DHX9: variants seen among roughly 807,000 people sequenced by gnomAD.
DHX9 encodes the protein ATP-dependent RNA helicase A.
Under a neutral mutation model 148.7 loss-of-function variants are expected in DHX9, and 27 were observed. The observed-to-expected ratio is 0.18, with a 90% confidence interval of 0.13 to 0.25. DHX9 has a LOEUF of 0.25. DHX9 is among the 10% of genes least tolerant of loss of function. DHX9 has a pLI of 1.00. For missense variants in DHX9, 796 were observed against 1,559.6 expected, an observed-to-expected ratio of 0.51 and a Z score of 8.25; for synonymous variants, 529 against 516.6, an observed-to-expected ratio of 1.02 and a Z score of -0.33.
intron 14 of DHX9, among the ~76,000 whole-genome samples, chr1:182,868,534 T>TTTTTTTTTTTTTTTTTTG (rs1648403826): frequency 2.0e-5 from 3 of 149,546 alleles, no homozygotes; most frequent in Admixed American, 6.6e-5. Context: ...TTTTTTTTTT[T>TTTTTTTTTTTTTTTTTTG]GAGGAGTCTT....
At chr1:182,845,439 A>AC (rs1026132435) in intron 3 of DHX9, among the ~76,000 whole-genome samples, 11 of 152,140 alleles carry the variant, frequency 7.2e-5, no homozygotes, top group African/African-American at 2.7e-4. Context: ...GAAAAAAAAA[A>AC]AAACAATTTT....
intron 4 of DHX9, 87 bp downstream of exon 4, chr1:182,852,431 G>A: frequency 1.1e-6 from 1 of 884,298 alleles, no homozygotes; most frequent in Non-Finnish European, 1.7e-6. Context: ...TGGGTAGAAA[G>A]AACTGCAGTA....
rs372897369 is a variant in DHX9 at position 182,852,243 on chromosome 1, C to T, written c.263C>T (p.Pro88Leu). The change falls in exon 4 of 28, where the codon CCG becomes CTG. Residue 88 changes from proline (P) to leucine (L), a missense_variant. By Grantham distance (98) the Pro-to-Leu change is moderately conservative. Around this residue, in one of 14 missense-constraint regions of DHX9, gnomAD observed 89 missense variants for 77.5 expected, o/e 1.15. Coordinates refer to ENST00000367549, the MANE Select transcript of DHX9 (RefSeq NM_001357.5). ...CTTTTTCTTTTGCAGGTAGCATCTC[C>T]GCCCCCACTTACTGATACTCCTGAC... The part of the protein sequence containing the change: ...EEVPAFGVAS[P>L]PPLTDTPDTT... 5.0e-5 allele frequency: 80 copies of T among 1,607,098 alleles called. No individual in the cohort carries two copies. The highest frequency in any genetic ancestry group is 1.7e-4 in the Middle Eastern group (1 of 6,048).
At chr1:182,845,636 C>T (rs899075100) in intron 3 of DHX9, among the ~76,000 whole-genome samples, 2 of 152,166 alleles carry the variant, frequency 1.3e-5, no homozygotes, top group African/African-American at 4.8e-5. Context: ...GGTGAGGACT[C>T]AGTCCCACAA....
At chr1:182,857,269 G>C (rs2102599431) in intron 7 of DHX9, among the ~76,000 whole-genome samples, 1 of 152,258 alleles carries the variant, frequency 6.6e-6, no homozygotes, top group South Asian at 2.1e-4. Flanking sequence ...AGGTTAATTT[G>C]GCTAGTTAGG....
At chr1:182,880,659 ATCTTCTCC>A in intron 22 of DHX9, 51 bp downstream of exon 22, 2 of 1,231,996 alleles carry the variant, frequency 1.6e-6, no homozygotes, top group Non-Finnish European at 2.4e-6. Context: ...TAATTTCAGA[ATCTTCTCC>A]TCCCTGTAAA....
chr1:182,878,990 G>A (rs575216373), intron 20 of DHX9, among the ~76,000 whole-genome samples: 1 of 152,326 alleles, frequency 6.6e-6, no homozygotes, highest in South Asian at 2.1e-4. Context: ...AATAACATTC[G>A]CGATTTTGGA....
intron 3 of DHX9, among the ~76,000 whole-genome samples, chr1:182,846,306 C>A (rs1448059306): frequency 1.3e-5 from 2 of 150,572 alleles, no homozygotes; most frequent in Non-Finnish European, 2.9e-5. Context: ...GGCATGATCT[C>A]GGCTCACCGC....
At chr1:182,869,496 C>T (rs1410646212) in intron 14 of DHX9, among the ~76,000 whole-genome samples, 2 of 151,862 alleles carry the variant, frequency 1.3e-5, no homozygotes. Context: ...TTGGTCTGGT[C>T]TTGTCTGGTC....
At chr1:182,840,292 C>G (rs1478623909) in intron 1 of DHX9, among the ~76,000 whole-genome samples, 1 of 138,730 alleles carries the variant, frequency 7.2e-6, no homozygotes, top group East Asian at 2.1e-4. Flanking sequence ...TTCTGGAATT[C>G]TTGCGCCTTT....
chr1:182,872,266 A>C, intron 14 of DHX9, 71 bp from the exon 15 acceptor site: 1 of 1,319,736 alleles, frequency 7.6e-7, no homozygotes, highest in Non-Finnish European at 1.1e-6. Context: ...ATGGCTGTAT[A>C]ACTCTTTTAG....
At chr1:182,866,902 G>C in intron 13 of DHX9, 59 bp from the exon 14 acceptor site, 1 of 1,284,474 alleles carries the variant, frequency 7.8e-7, no homozygotes, top group Non-Finnish European at 1.1e-6. Context: ...ATAGATAATT[G>C]TCCATAGATT....
chr1:182,844,577 G>A (rs1304839143), intron 3 of DHX9, among the ~76,000 whole-genome samples: 1 of 152,010 alleles, frequency 6.6e-6, no homozygotes, highest in African/African-American at 2.4e-5. Context: ...ACGGAGTCTT[G>A]CTCTGTTACC....
intron 1 of DHX9, among the ~76,000 whole-genome samples, chr1:182,840,834 G>A (rs1667912920): frequency 6.6e-6 from 1 of 152,206 alleles, no homozygotes; most frequent in Non-Finnish European, 1.5e-5. Context: ...TGTGCCAGGA[G>A]TAACTTGGTG....
At chr1:182,840,341 C>G (rs1025498455) in intron 1 of DHX9, among the ~76,000 whole-genome samples, 22 of 142,944 alleles carry the variant, frequency 1.5e-4, no homozygotes, top group Non-Finnish European at 2.8e-4. Flanking sequence ...CGCTCTGTCG[C>G]CAGACTGGAG....
rs188615088 is a variant in DHX9 at position 182,887,496 on chromosome 1, C to T, written c.*62C>T. On this transcript the variant is annotated 3_prime_UTR_variant, in exon 28 of 28. Coordinates refer to ENST00000367549, the MANE Select transcript of DHX9 (RefSeq NM_001357.5). ...GGAAAAAAAGGCATGCTATGTGTTA[C>T]GTGTTTTTTCCAGTATGTTTATTTG... The T allele has an allele frequency of 6.3e-6, 9 of 1,423,552 alleles. No homozygotes were observed. In the Admixed American group the frequency reaches 1.2e-4, roughly 19 times the overall value. The allele number at this position is 1,423,552 out of a possible 1,614,324, so 88.2% of individuals were successfully genotyped here.
chr1:182,870,093 A>G (rs16859791), intron 14 of DHX9, among the ~76,000 whole-genome samples: 5,253 of 152,336 alleles, frequency 0.034, 219 homozygotes, highest in African/African-American at 0.094. Flanking sequence ...ACAAAAAAAG[A>G]TACCATTGCA....
At chr1:182,885,677 A>C (rs575453904) in intron 27 of DHX9, among the ~76,000 whole-genome samples, 1 of 152,296 alleles carries the variant, frequency 6.6e-6, no homozygotes, top group East Asian at 1.9e-4. Flanking sequence ...CATCCTCTTT[A>C]ATATAAACAA....
rs755270102 is a variant in DHX9, at chr1:182,876,112, A to G, written c.1878A>G (p.Gln626=). ...YGPETRLSMS[Q]LNEKETPFEL... is the part of the protein sequence containing the mutation. ...CAGAAACAAGGTTGAGCATGTCTCA[A>G]TTGAACGAAAAGGAAACTCCTTTTG... The change falls in exon 17 of 28, where the codon CAA becomes CAG. Residue 626 remains glutamine, a synonymous_variant. Coordinates refer to ENST00000367549, the MANE Select transcript of DHX9 (RefSeq NM_001357.5). 2.0e-5 allele frequency: 32 copies of G among 1,613,912 alleles called. No individual in the cohort carries two copies. Among genetic ancestry groups the G allele is most frequent in the Admixed American group, 6.7e-5 (4 of 60,006 alleles).
Sources: allele counts gnomAD v4.1 joint callset (sites outside exome capture counted in the v4.1 genomes callset), GRCh38; gene constraint gnomAD v4.1.1; regional missense constraint gnomAD v4.1.1; transcripts MANE v1.5; gene names NCBI Gene and HGNC (gene_info 2026-07-23, HGNC 2026-07-21).